CCS: variants seen among roughly 807,000 people sequenced by gnomAD.
CCS encodes the protein superoxide dismutase copper chaperone.
CCS carries 32 observed loss-of-function variants against 35.5 expected under a neutral mutation model. The observed-to-expected ratio is 0.90, with a 90% CI of 0.68 to 1.21. The LOEUF (loss-of-function observed/expected upper bound fraction) is 1.21, where lower values mean the gene tolerates loss of function less well. Ranked by LOEUF, CCS falls within the 50% of genes most tolerant of loss-of-function variation. CCS has a pLI of 0.00. For missense variants in CCS, 342 were observed against 375.4 expected (o/e 0.91, Z 0.73); for synonymous variants, 130 against 147.2 (o/e 0.88, Z 0.84).
rs202148109 is a variant in CCS, at chr11:66,599,554, G to A, written c.346G>A (p.Glu116Lys). Reference sequence around the variant, plus strand: ...GCTGACCCCTGAGCGCTGCCTCATCGAGGGAACTATTGACGGCCTGGAGCC... The same window carrying A: ...GCTGACCCCTGAGCGCTGCCTCATCAAGGGAACTATTGACGGCCTGGAGCC... ...LQLTPERCLI[E>K]GTIDGLEPGL... Residue 116 changes from glutamate (E) to lysine (K), a missense_variant, in exon 4 of 8, where the codon GAG becomes AAG. By Grantham distance (56) the Glu-to-Lys change is moderately conservative. Transcript: ENST00000533244. The A allele has an allele frequency of 1.4e-5, 23 of 1,604,496 alleles. No homozygotes were observed. The highest frequency in any genetic ancestry group is 1.7e-4 in the Middle Eastern group (1 of 5,998).
chr11:66,602,478 G>C (rs1484426117), intron 5 of CCS, among the ~76,000 whole-genome samples: 2 of 152,228 alleles, frequency 1.3e-5, no homozygotes, highest in African/African-American at 4.8e-5. Context: ...GATTGAGAGA[G>C]GGCGTCCAAG....
chr11:66,594,548 G>T (rs1858440353), intron 2 of CCS, among the ~76,000 whole-genome samples: 1 of 152,060 alleles, frequency 6.6e-6, no homozygotes. Context: ...CACCAAAGTA[G>T]GTAGATTGCT....
At chr11:66,597,326 C>T (rs1858493892) in intron 2 of CCS, among the ~76,000 whole-genome samples, 2 of 151,866 alleles carry the variant, frequency 1.3e-5, no homozygotes, top group South Asian at 4.2e-4. Flanking sequence ...GGCGTGATGG[C>T]GGGCACCTGT....
intron 2 of CCS, 46 bp downstream of exon 2, chr11:66,593,760 G>GACT: frequency 6.4e-7 from 1 of 1,558,260 alleles, no homozygotes; most frequent in Non-Finnish European, 8.8e-7. Flanking sequence ...GAAGCCTCTG[G>GACT]GAGGGACCAG....
intron 2 of CCS, among the ~76,000 whole-genome samples, chr11:66,595,368 T>A (rs76681563): frequency 0.014 from 2,169 of 152,256 alleles, 57 homozygotes; most frequent in African/African-American, 0.049. Context: ...CTTCCTGTAC[T>A]ACTTGCTTGC....
chr11:66,593,554 T>G, intron 1 of CCS, 88 bp from the exon 2 acceptor site: 1 of 1,371,166 alleles, frequency 7.3e-7, no homozygotes, highest in Non-Finnish European at 1.0e-6. Flanking sequence ...TCCCAGACCC[T>G]TGCGGTGGTC....
At chr11:66,603,948 A>T (rs1044844218) in intron 5 of CCS, among the ~76,000 whole-genome samples, 1 of 150,232 alleles carries the variant, frequency 6.7e-6, no homozygotes, top group African/African-American at 2.5e-5. Context: ...AATTGCTTGA[A>T]CCTGGGGGGT....
At chr11:66,595,441 T>A (rs1590827837) in intron 2 of CCS, among the ~76,000 whole-genome samples, 1 of 152,146 alleles carries the variant, frequency 6.6e-6, no homozygotes, top group East Asian at 1.9e-4. Context: ...TCAGCATGTT[T>A]CTTAGGCAAC....
intron 2 of CCS, among the ~76,000 whole-genome samples, chr11:66,597,857 G>A (rs184934891): frequency 7.3e-4 from 111 of 151,554 alleles, no homozygotes; most frequent in Non-Finnish European, 1.2e-3. Context: ...GGAGGCAGAG[G>A]TTGCAGTGAG....
chr11:66,605,189 G>T, intron 5 of CCS, 150 bp from the exon 6 acceptor site: 6 of 1,540,934 alleles, frequency 3.9e-6, no homozygotes, highest in Non-Finnish European at 5.2e-6. Flanking sequence ...CCAGTCCTTG[G>T]GGAGCTCAGA....
chr11:66,599,961 CA>C (rs1209925429), intron 4 of CCS: 246 of 238,292 alleles, frequency 1.0e-3, no homozygotes, highest in South Asian at 2.5e-3. Context: ...ACTAACAATA[CA>C]AAAAAAAATT....
intron 2 of CCS, among the ~76,000 whole-genome samples, chr11:66,594,861 A>G (rs1858448662): frequency 1.3e-5 from 2 of 152,046 alleles, no homozygotes; most frequent in South Asian, 4.2e-4. Flanking sequence ...AAGAGTTCAC[A>G]TGGGTATCAG....
chr11:66,595,295 G>A (rs540348903), intron 2 of CCS, among the ~76,000 whole-genome samples: 5 of 152,298 alleles, frequency 3.3e-5, no homozygotes, highest in African/African-American at 9.6e-5. Flanking sequence ...GGAGGCTGGA[G>A]GGGACAATGT....
chr11:66,594,313 C>T (rs537613328), intron 2 of CCS, among the ~76,000 whole-genome samples: 224 of 152,088 alleles, frequency 1.5e-3, no homozygotes, highest in African/African-American at 5.2e-3. Context: ...TAGCCGAGAT[C>T]GCGCCACTGC....
intron 2 of CCS, among the ~76,000 whole-genome samples, chr11:66,595,414 G>A (rs1310487198): frequency 6.6e-6 from 1 of 152,078 alleles, no homozygotes; most frequent in Admixed American, 6.5e-5. Flanking sequence ...TCTTGGACCC[G>A]GAGCAGTTTT....
intron 5 of CCS, among the ~76,000 whole-genome samples, chr11:66,603,731 A>C (rs1206639660): frequency 1.3e-5 from 2 of 152,188 alleles, no homozygotes; most frequent in Middle Eastern, 3.2e-3. Flanking sequence ...CTGTAGTCCC[A>C]GCTACTTGGG....
chr11:66,605,019 A>G (rs1858630755), intron 5 of CCS: 2 of 905,498 alleles, frequency 2.2e-6, no homozygotes, highest in South Asian at 1.7e-5. Context: ...AGTCTGATCC[A>G]ATGGGAATGA....
chr11:66,604,279 C>A (rs575216003), intron 5 of CCS, among the ~76,000 whole-genome samples: 2 of 152,038 alleles, frequency 1.3e-5, no homozygotes, highest in African/African-American at 4.8e-5. Context: ...GCTCTGTATC[C>A]CCTCCCCCTT....
chr11:66,604,179 G>T (rs1470137980), intron 5 of CCS, among the ~76,000 whole-genome samples: 1 of 151,706 alleles, frequency 6.6e-6, no homozygotes, highest in East Asian at 1.9e-4. Context: ...GCAGTGAGCC[G>T]AGATCACACC....
Sources: gnomAD v4.1 joint callset for allele counts (sites outside exome capture counted in the v4.1 genomes callset) on GRCh38, gnomAD v4.1.1 for gene constraint, MANE v1.5 for transcripts, NCBI Gene and HGNC (gene_info 2026-07-23, HGNC 2026-07-21) for gene names.